Variants in EMX2 observed in about 807,000 individuals in gnomAD.
EMX2 encodes the protein homeobox protein EMX2.
In EMX2, 6 loss-of-function variants were observed where a neutral mutation model predicts 23.0. That is an observed-to-expected ratio of 0.26 (90% CI 0.14 to 0.52). The LOEUF is 0.52. Among genes scored for constraint, EMX2 ranks in the 20% least tolerant of loss-of-function variants. The probability of loss-of-function intolerance (pLI) is 0.97; values close to 1 mark genes in which losing one functional copy is unlikely to be tolerated. For synonymous variants in EMX2, 175 were observed against 153.3 expected, an observed-to-expected ratio of 1.14 and a Z score of -1.04; for missense variants, 302 against 341.4, an observed-to-expected ratio of 0.88 and a Z score of 0.91.
chr10:117,542,835 T>TC lies in EMX2; in HGVS notation c.-433_-432insC, dbSNP rs1453494796. ...CTTTTGCAGAGGAGAAAAAACTTTT[T>TC]TTTTTTTTTGCCTCCCCCGAGAACT... On this transcript the variant is annotated 5_prime_UTR_variant, in exon 1 of 3. Transcript: ENST00000553456. 7.0e-6 allele frequency: 1 copy of TC among 142,078 alleles called. No homozygotes were observed. The highest frequency in any genetic ancestry group is 2.1e-4 in the East Asian group (1 of 4,842). The allele number at this position is 142,078 out of a possible 1,614,324, so 8.8% of individuals were successfully genotyped here. A position where few individuals can be genotyped will look rare whatever the true frequency, so the allele number is the denominator to read the frequency against.
intron 2 of EMX2, 25 bp downstream of exon 2, chr10:117,545,841 A>G: frequency 1.9e-6 from 3 of 1,613,166 alleles, no homozygotes; most frequent in Non-Finnish European, 2.5e-6. Context: ...GGCGCGAGGA[A>G]CCCATCTAGG....
At chr10:117,546,153 G>T (rs933159365) in intron 2 of EMX2, among the ~76,000 whole-genome samples, 1 of 152,196 alleles carries the variant, frequency 6.6e-6, no homozygotes, top group Non-Finnish European at 1.5e-5. Context: ...GGAAGAGGGA[G>T]AGCACAGTGG....
intron 2 of EMX2, among the ~76,000 whole-genome samples, chr10:117,547,647 GTC>G (rs1415359742): frequency 1.3e-5 from 2 of 152,234 alleles, no homozygotes; most frequent in African/African-American, 4.8e-5. Context: ...GCGGACTGAG[GTC>G]TCTCTTGCAC....
chr10:117,548,146 A>T lies in EMX2; in HGVS notation c.673A>T (p.Lys225Ter). The T allele has an allele frequency of 6.2e-7, 1 of 1,613,948 alleles. No homozygotes were observed. Among genetic ancestry groups the T allele is most frequent in the Non-Finnish European group, 8.5e-7 (1 of 1,179,942 alleles). ...EEEGSDSQQK[K>*]KGTHHINRWR... ...AGAAGGCTCAGATTCGCAACAAAAG[A>T]AAAAAGGGACGCACCATATTAACCG... The change falls in exon 3 of 3, where the codon AAA (lysine) becomes TAA (stop). Residue 225 changes from lysine (K) to a stop codon, truncating the protein, a stop_gained. Transcript: ENST00000553456. LOFTEE classifies it high-confidence loss of function.
At position 117,545,645 on chromosome 10, in the gene EMX2, C is replaced by T. The variant is rs954913244; in HGVS notation, c.420C>T (p.Ser140=). ...LGHRFQGNDT[S]PESFLLHNAL... is the part of the protein sequence containing the mutation. ...TGCTCCCCGCAGGGAACGACACTAG[C>T]CCCGAGAGTTTCCTTTTGCACAACG... Residue 140 remains serine (S), a synonymous_variant, in exon 2 of 3, where the codon AGC becomes AGT. Coordinates refer to ENST00000553456, the MANE Select transcript of EMX2 (RefSeq NM_004098.4). 8 of 1,613,982 alleles carry T rather than the reference C, an allele frequency of 5.0e-6. No homozygotes were observed. The highest frequency in any genetic ancestry group is 4.0e-5 in the African/African-American group (3 of 74,946).
rs1201300248 is a variant in EMX2, at chr10:117,548,529, A to G, written c.*297A>G. 4.6e-6 allele frequency: 2 copies of G among 436,846 alleles called. No homozygotes were observed. Among genetic ancestry groups the G allele is most frequent in the East Asian group, 6.7e-5 (2 of 29,898 alleles). 27.1% of individuals were successfully genotyped at this position (436,846 alleles called of 1,614,324 possible). A position where few individuals can be genotyped will look rare whatever the true frequency, so the allele number is the denominator to read the frequency against. On this transcript the variant is annotated 3_prime_UTR_variant, in exon 3 of 3. Transcript: ENST00000553456. ...CAGAGAGAAGGAGAAAGAGGGAGGG[A>G]GAGAGAGAAAGAGAGAGAAAGAGAG...
At position 117,545,925 on chromosome 10, in the gene EMX2, G is replaced by T. The variant is rs533266116; in HGVS notation, c.591+109G>T. 33 of 1,467,478 alleles carry T rather than the reference G, an allele frequency of 2.2e-5. No homozygotes were observed. In the Admixed American group the frequency reaches 2.8e-4, roughly 13 times the overall value. 90.9% of individuals were successfully genotyped at this position (1,467,478 alleles called of 1,614,324 possible). A position where few individuals can be genotyped will look rare whatever the true frequency, so the allele number is the denominator to read the frequency against. On this transcript the variant is annotated intron_variant, in intron 2 of 2. Coordinates refer to ENST00000553456, the MANE Select transcript of EMX2 (RefSeq NM_004098.4). Reference sequence around the variant, plus strand: ...GAGCTCTGTGAGGGCCTTCCGCACAGGTCCTGGTAGCTGGTTCCACGCCTG... The same window carrying T: ...GAGCTCTGTGAGGGCCTTCCGCACATGTCCTGGTAGCTGGTTCCACGCCTG...
In EMX2 at chr10:117,548,808, C is replaced by A; in HGVS notation, c.*576C>A. The A allele has an allele frequency of 2.5e-6, 1 of 401,232 alleles. No individual in the cohort carries two copies. The highest frequency in any genetic ancestry group is 4.4e-6 in the Non-Finnish European group (1 of 227,994). The allele number at this position is 401,232 out of a possible 1,614,324, so 24.9% of individuals were successfully genotyped here. A position where few individuals can be genotyped will look rare whatever the true frequency, so the allele number is the denominator to read the frequency against. ...CAAAAATTCCATATCTAGCCCCATC[C>A]CACACCTGTTTCAAATCCTTGAAAT... On this transcript the variant is annotated 3_prime_UTR_variant, in exon 3 of 3. Coordinates refer to ENST00000553456, the MANE Select transcript of EMX2 (RefSeq NM_004098.4).
Position 117,543,601 on chromosome 10 carries a change from C to T in EMX2, c.334C>T (p.Gln112Ter). 6.2e-7 allele frequency: 1 copy of T among 1,613,506 alleles called. No homozygotes were observed. The highest frequency in any genetic ancestry group is 8.5e-7 in the Non-Finnish European group (1 of 1,179,730). ...SHSPHPLFAS[Q>*]QRDPSTFYPW... ...CTCGCCACACCCCCTATTCGCCTCG[C>T]AGCAGCGGGATCCGTCCACCTTCTA... Residue 112 changes from glutamine (Q) to a stop codon, truncating the protein, a stop_gained, in exon 1 of 3, where the codon CAG becomes TAG. Transcript: ENST00000553456. LOFTEE classifies it high-confidence loss of function.
In EMX2 at chr10:117,543,324, C is replaced by A; in HGVS notation, c.57C>A (p.Asp19Glu). 6.4e-7 allele frequency: 1 copy of A among 1,553,046 alleles called. No individual in the cohort carries two copies. The highest frequency in any genetic ancestry group is 8.7e-7 in the Non-Finnish European group (1 of 1,148,484). Reference sequence around the variant, plus strand: ...CCATCGAGTCGCTGGTGGCCAAGGACAGTCCCCTGCCCGCCTCGCGCTCCG... The same window carrying A: ...CCATCGAGTCGCTGGTGGCCAAGGAAAGTCCCCTGCCCGCCTCGCGCTCCG... ...CFTIESLVAKDSPLPASRSED... is the reference protein window; with the variant it reads ...CFTIESLVAKESPLPASRSED... The change falls in exon 1 of 3, where the codon GAC becomes GAA. Residue 19 changes from aspartate to glutamate, a missense_variant. Coordinates refer to ENST00000553456, the MANE Select transcript of EMX2 (RefSeq NM_004098.4).
chr10:117,544,852 G>A (rs1027548384), intron 1 of EMX2: 2 of 152,170 alleles, frequency 1.3e-5, no homozygotes, highest in East Asian at 3.9e-4. Flanking sequence ...AAAGTTTAGG[G>A]CTGCCCTTCC....
chr10:117,546,302 G>A (rs1234955597), intron 2 of EMX2, among the ~76,000 whole-genome samples: 1 of 152,234 alleles, frequency 6.6e-6, no homozygotes, highest in Non-Finnish European at 1.5e-5. Flanking sequence ...GGAAGGTAGA[G>A]GGCAAGCGTC....
rs774354987 is a variant in EMX2 at position 117,549,526 on chromosome 10, A to G, written c.*1294A>G. On this transcript the variant is annotated 3_prime_UTR_variant, in exon 3 of 3. Coordinates refer to ENST00000553456, the MANE Select transcript of EMX2 (RefSeq NM_004098.4). ...GTCAATGTCAATATTTTGTCAATAA[A>G]GATTTATCAATATGCCCTCAGAGTA... 1 of 152,664 alleles carries G rather than the reference A, an allele frequency of 6.6e-6. No individual in the cohort carries two copies. The highest frequency in any genetic ancestry group is 1.5e-5 in the Non-Finnish European group (1 of 68,048). 9.5% of individuals were successfully genotyped at this position (152,664 alleles called of 1,614,324 possible). A position where few individuals can be genotyped will look rare whatever the true frequency, so the allele number is the denominator to read the frequency against.
At chr10:117,544,949 T>C (rs1022629552) in intron 1 of EMX2, 1 of 152,024 alleles carries the variant, frequency 6.6e-6, no homozygotes, top group Non-Finnish European at 1.5e-5. Context: ...CCTGGCGGTG[T>C]CTGCAAGTCG....
rs1846614824 is a variant in EMX2, at chr10:117,548,582, C to A, written c.*350C>A. 1.9e-6 allele frequency: 1 copy of A among 522,450 alleles called. No individual in the cohort carries two copies. Among genetic ancestry groups the A allele is most frequent in the Non-Finnish European group, 3.3e-6 (1 of 299,770 alleles). The allele number at this position is 522,450 out of a possible 1,614,324, so 32.4% of individuals were successfully genotyped here. On this transcript the variant is annotated 3_prime_UTR_variant, in exon 3 of 3. Transcript: ENST00000553456. ...AGAGAGAGAGAGAGAGAAAGCTGAA[C>A]GTGCACTCTGACAAGGGGAGCTGTC...
chr10:117,545,843 C>T, intron 2 of EMX2, 27 bp downstream of exon 2: 3 of 1,613,392 alleles, frequency 1.9e-6, no homozygotes, highest in Non-Finnish European at 2.5e-6. Flanking sequence ...CGCGAGGAAC[C>T]CATCTAGGCG....
intron 1 of EMX2, chr10:117,544,672 A>C (rs1348183030): frequency 6.6e-6 from 1 of 152,086 alleles, no homozygotes; most frequent in Non-Finnish European, 1.5e-5. Flanking sequence ...CCCATATTTT[A>C]AAAAATCAAA....
intron 2 of EMX2, among the ~76,000 whole-genome samples, 154 bp downstream of exon 2, chr10:117,545,970 A>C (rs1262586728): frequency 6.6e-6 from 1 of 152,202 alleles, no homozygotes; most frequent in South Asian, 2.1e-4. Flanking sequence ...TGTATGTCTC[A>C]AGGTGCTGGC....
rs746773952 is a variant in EMX2, at chr10:117,548,210, T to C, written c.737T>C (p.Ile246Thr). 1.2e-6 allele frequency: 2 copies of C among 1,611,778 alleles called. No individual in the cohort carries two copies. Among genetic ancestry groups the C allele is most frequent in the South Asian group, 1.1e-5 (1 of 90,934 alleles). The change falls in exon 3 of 3, where the codon ATA (isoleucine) becomes ACA (threonine). Residue 246 changes from isoleucine to threonine, a missense_variant. Around this residue, in one of 4 missense-constraint regions of EMX2, gnomAD observed 42 missense variants for 49.3 expected, o/e 0.85. Coordinates refer to ENST00000553456, the MANE Select transcript of EMX2 (RefSeq NM_004098.4). ...IATKQASPEE[I>T]DVTSDD ...ACCAAGCAGGCGAGTCCGGAGGAAA[T>C]AGACGTGACCTCAGATGATTAAAAA...
Sources: gnomAD v4.1 joint callset for allele counts (sites outside exome capture counted in the v4.1 genomes callset) on GRCh38, gnomAD v4.1.1 for gene constraint, gnomAD v4.1.1 regional missense constraint, MANE v1.5 for transcripts, NCBI Gene and HGNC (gene_info 2026-07-23, HGNC 2026-07-21) for gene names.